INPP5D: variants seen among roughly 807,000 people sequenced by gnomAD.
INPP5D encodes the protein phosphatidylinositol 3,4,5-trisphosphate 5-phosphatase 1.
INPP5D carries 33 observed loss-of-function variants against 122.9 expected under a neutral mutation model. The observed-to-expected ratio is 0.27, with a 90% CI of 0.20 to 0.36. The LOEUF is 0.36. INPP5D is among the 10% of genes least tolerant of loss of function. The pLI, the probability that INPP5D is intolerant of heterozygous loss-of-function variation, is 1.00. For synonymous variants in INPP5D, 584 were observed against 576.2 expected, an observed-to-expected ratio of 1.01 and a Z score of -0.19; for missense variants, 1,053 against 1,412.7, an observed-to-expected ratio of 0.75 and a Z score of 4.08.
intron 2 of INPP5D, among the ~76,000 whole-genome samples, chr2:233,116,520 T>C (rs1692800423): frequency 6.6e-6 from 1 of 152,084 alleles, no homozygotes; most frequent in Admixed American, 6.6e-5. Flanking sequence ...CCTCCTGGGC[T>C]TAAGCAATCT....
rs1694289602 is a variant in INPP5D, at chr2:233,164,920, C to A, written c.1555+496C>A. Reference sequence around the variant, plus strand: ...GGGAGTGACTGTGTTACCAGTGAGACCTTCCTTACAAGCACAGGCGGGAGG... The same window carrying A: ...GGGAGTGACTGTGTTACCAGTGAGAACTTCCTTACAAGCACAGGCGGGAGG... On this transcript the variant is annotated intron_variant, in intron 13 of 26. Coordinates refer to ENST00000445964, the MANE Select transcript of INPP5D (RefSeq NM_001017915.3). The surrounding 1 kb of genome is among the most constrained non-coding windows in gnomAD (Gnocchi z 4.3). Among the ~76,000 whole-genome samples the A allele has an allele frequency of 6.6e-6, 1 of 152,220 alleles. No individual in the cohort carries two copies. Among genetic ancestry groups the A allele is most frequent in the South Asian group, 2.1e-4 (1 of 4,834 alleles).
chr2:233,198,979 G>T (rs993001035), intron 25 of INPP5D, among the ~76,000 whole-genome samples: 3 of 151,496 alleles, frequency 2.0e-5, no homozygotes, highest in Admixed American at 6.6e-5. Flanking sequence ...GCCGGGCACG[G>T]TGGCTCACGC....
Position 233,182,459 on chromosome 2 carries a change from A to T in INPP5D, c.2121A>T (p.Thr707=), listed in dbSNP as rs1182706593. 16 of 1,613,758 alleles carry T rather than the reference A, an allele frequency of 9.9e-6. No individual in the cohort carries two copies. The highest frequency in any genetic ancestry group is 1.3e-5 in the Non-Finnish European group (15 of 1,179,728). Reference sequence around the variant, plus strand: ...GTGACCACAGCCCTGTCTTTGCCACATTTGAGGCAGGAGTCACTTCCCAGT... The same window carrying T: ...GTGACCACAGCCCTGTCTTTGCCACTTTTGAGGCAGGAGTCACTTCCCAGT... ...MTSDHSPVFA[T]FEAGVTSQFV... Residue 707 remains threonine, a synonymous_variant, in exon 19 of 27, where the codon ACA becomes ACT. Transcript: ENST00000445964.
intron 2 of INPP5D, among the ~76,000 whole-genome samples, chr2:233,094,103 C>CAAA (rs201313838): frequency 1.3e-5 from 2 of 151,652 alleles, no homozygotes; most frequent in African/African-American, 4.9e-5. Context: ...CCTCCCCCCC[C>CAAA]AAAAAAGAGA....
chr2:233,125,092 C>T lies in INPP5D; in HGVS notation c.350-653C>T, dbSNP rs145592503. On this transcript the variant is annotated intron_variant, in intron 3 of 26. Coordinates refer to ENST00000445964, the MANE Select transcript of INPP5D (RefSeq NM_001017915.3). ...GAGCTCTGGACCCTCCATTCGTGTA[C>T]GTACAGAATGAACCTTCTCCTAAAG... 3.8e-3 allele frequency among the ~76,000 whole-genome samples: 585 copies of T among 152,360 alleles called. 6 individuals are homozygous for T. The highest frequency in any genetic ancestry group is 0.013 in the African/African-American group (553 of 41,596).
At chr2:233,102,849 CAAA>C (rs543054221) in intron 2 of INPP5D, among the ~76,000 whole-genome samples, 2 of 88,850 alleles carry the variant, frequency 2.3e-5, no homozygotes, top group Admixed American at 1.2e-4. Flanking sequence ...GACTCCGTCT[CAAA>C]AAAAAAAAAA....
intron 1 of INPP5D, 134 bp from the exon 2 acceptor site, chr2:233,079,201 A>T (rs567574783): frequency 1.5e-6 from 1 of 647,238 alleles, no homozygotes; most frequent in African/African-American, 1.8e-5. Flanking sequence ...CCATCTTAAG[A>T]GAACGGTCAG....
chr2:233,075,046 G>T (rs186087176), intron 1 of INPP5D, among the ~76,000 whole-genome samples: 1 of 147,720 alleles, frequency 6.8e-6, no homozygotes, highest in Admixed American at 6.6e-5. Flanking sequence ...GGGTTGACCT[G>T]GTCCAGAAAT....
rs529795177 is a variant in INPP5D, at chr2:233,082,723, A to G, written c.198+3325A>G. ...CTGGGGGACTCTTTTCTCTCACTCC[A>G]TCTTTCACAGACTTAAAAAAAATCC... On this transcript the variant is annotated intron_variant, in intron 2 of 26. Transcript: ENST00000445964. The surrounding 1 kb of genome is among the most constrained non-coding windows in gnomAD (Gnocchi z 4.7). Among the ~76,000 whole-genome samples the G allele has an allele frequency of 2.6e-4, 39 of 152,214 alleles. No individual in the cohort carries two copies. Among genetic ancestry groups the G allele is most frequent in the Non-Finnish European group, 4.7e-4 (32 of 68,000 alleles).
intron 22 of INPP5D, among the ~76,000 whole-genome samples, chr2:233,193,113 T>A (rs1695095445): frequency 6.6e-6 from 1 of 152,252 alleles, no homozygotes; most frequent in Non-Finnish European, 1.5e-5. Context: ...GGTCTTGAAC[T>A]CCTGACCTCA....
intron 3 of INPP5D, among the ~76,000 whole-genome samples, chr2:233,125,010 G>A (rs981897842): frequency 1.3e-5 from 2 of 152,244 alleles, no homozygotes; most frequent in Admixed American, 6.5e-5. Flanking sequence ...GAGGTCCCCC[G>A]GGGCCCACTG....
In INPP5D at chr2:233,146,447, C is replaced by A; in HGVS notation, c.906+9C>A. ...CTCCAGTCACCTTTGAGGTAAGTGG[C>A]CATGGGACAGCAGAGCCTGGGCTTG... On this transcript the variant is annotated intron_variant, in intron 8 of 26. Coordinates refer to ENST00000445964, the MANE Select transcript of INPP5D (RefSeq NM_001017915.3). 1 of 703,982 alleles carries A rather than the reference C, an allele frequency of 1.4e-6. No homozygotes were observed. The highest frequency in any genetic ancestry group is 1.5e-5 in the South Asian group (1 of 67,590). The allele number at this position is 703,982 out of a possible 1,614,324, so 43.6% of individuals were successfully genotyped here. A position where few individuals can be genotyped will look rare whatever the true frequency, so the allele number is the denominator to read the frequency against.
chr2:233,199,055 G>T (rs552700418), intron 25 of INPP5D, among the ~76,000 whole-genome samples: 2 of 152,014 alleles, frequency 1.3e-5, no homozygotes, highest in African/African-American at 4.8e-5. Flanking sequence ...TTCGAGTCCA[G>T]CCTGGCCAAC....
At position 233,197,793 on chromosome 2, in the gene INPP5D, G is replaced by A. The variant is rs1695222152; in HGVS notation, c.2694-302G>A. ...AGCACTACATCAATACCGTGTCTCT[G>A]TGTCACTGAGCTTGTTTTTCTCTCC... On this transcript the variant is annotated intron_variant, in intron 24 of 26. Transcript: ENST00000445964. This position sits in a 1 kb window ranked among gnomAD's most constrained non-coding sequence, Gnocchi z 4.4. 6.6e-6 allele frequency among the ~76,000 whole-genome samples: 1 copy of A among 152,184 alleles called. No individual in the cohort carries two copies. Among genetic ancestry groups the A allele is most frequent in the Non-Finnish European group, 1.5e-5 (1 of 68,040 alleles).
At chr2:233,086,119 C>CTCTTTCTTTCTTTCTTTCTTTCCTTCTT in intron 2 of INPP5D, among the ~76,000 whole-genome samples, 1 of 93,916 alleles carries the variant, frequency 1.1e-5, no homozygotes, top group South Asian at 3.9e-4. Flanking sequence ...ATAAGATAGC[C>CTCTTTCTTTCTTTCTTTCTTTCCTTCTT]TCTTTCTTTC....
At chr2:233,080,965 AC>A (rs1366909325) in intron 2 of INPP5D, among the ~76,000 whole-genome samples, 3 of 152,184 alleles carry the variant, frequency 2.0e-5, no homozygotes, top group Non-Finnish European at 4.4e-5. Flanking sequence ...CTCAAGCAGA[AC>A]CACTCCCTGC....
intron 6 of INPP5D, among the ~76,000 whole-genome samples, chr2:233,143,255 G>T (rs1352389460): frequency 6.6e-6 from 1 of 152,164 alleles, no homozygotes; most frequent in African/African-American, 2.4e-5. Context: ...TTTCTTTCAA[G>T]CACGAACGCC....
Position 233,204,130 on chromosome 2 carries a change from A to C in INPP5D, c.2980A>C (p.Ser994Arg). Reference protein sequence around the residue: ...LPPRTQESRPSDLGKNAGDTL... With the variant: ...LPPRTQESRPRDLGKNAGDTL... Reference sequence around the variant, plus strand: ...CTGCTCTGTCCCTGGCTCTAGGCCCAGTGACCTGGGGAAGAACGCAGGGGA... The same window carrying C: ...CTGCTCTGTCCCTGGCTCTAGGCCCCGTGACCTGGGGAAGAACGCAGGGGA... The change falls in exon 26 of 27, where the codon AGT becomes CGT. Residue 994 changes from serine (S) to arginine (R), a missense_variant. Coordinates refer to ENST00000445964, the MANE Select transcript of INPP5D (RefSeq NM_001017915.3). The C allele has an allele frequency of 1.3e-6, 2 of 1,543,912 alleles. No homozygotes were observed. Among genetic ancestry groups the C allele is most frequent in the Non-Finnish European group, 1.7e-6 (2 of 1,143,988 alleles).
intron 2 of INPP5D, among the ~76,000 whole-genome samples, chr2:233,119,722 C>T (rs971821699): frequency 9.9e-5 from 15 of 152,162 alleles, no homozygotes; most frequent in African/African-American, 3.6e-4. Flanking sequence ...ATGGACAGCC[C>T]TGAATCACAG....
Sources: allele counts gnomAD v4.1 joint callset (sites outside exome capture counted in the v4.1 genomes callset), GRCh38; gene constraint gnomAD v4.1.1; non-coding constraint Gnocchi (gnomAD v3.1); transcripts MANE v1.5; gene names NCBI Gene and HGNC (gene_info 2026-07-23, HGNC 2026-07-21).